Variants in CASD1 observed in about 807,000 individuals in gnomAD.
CASD1 encodes CAS1 domain sialic acid O acetyltransferase 1.
Under a neutral mutation model 100.0 loss-of-function variants are expected in CASD1, and 41 were observed. The ratio of observed to expected loss-of-function variants is 0.41; its 90% CI spans 0.32 to 0.53. CASD1 has a LOEUF of 0.53. Among genes scored for constraint, CASD1 ranks in the 20% least tolerant of loss-of-function variants. The pLI is 0.25. For missense variants in CASD1, 774 were observed against 948.7 expected (o/e 0.82, Z 2.42); for synonymous variants, 321 against 315.6 (o/e 1.02, Z -0.18).
At chr7:94,634,151 A>G in the CASD1 span, among the ~76,000 whole-genome samples, 3 of 152,298 alleles carry the variant, frequency 2.0e-5, no homozygotes, top group South Asian at 6.2e-4. Context: ...CTTTATTAAT[A>G]AACTAATCAC....
the CASD1 span, chr7:94,629,592 C>T: frequency 1.2e-6 from 1 of 853,316 alleles, no homozygotes; most frequent in Non-Finnish European, 1.9e-6. Flanking sequence ...TATCCTACAA[C>T]AATTTATCAC....
intron 6 of CASD1, 56 bp downstream of exon 6, chr7:94,533,305 C>A (rs1794943431): frequency 6.9e-7 from 1 of 1,452,872 alleles, no homozygotes; most frequent in Non-Finnish European, 9.5e-7. Context: ...TAAGAACATG[C>A]TAAGAAAAAG....
chr7:94,582,802 A>G, the CASD1 span, among the ~76,000 whole-genome samples: 1 of 152,208 alleles, frequency 6.6e-6, no homozygotes, highest in Non-Finnish European at 1.5e-5. Flanking sequence ...TGACGACTTA[A>G]TATCTGTCTT....
chr7:94,616,164 G>A, the CASD1 span, among the ~76,000 whole-genome samples: 4 of 152,210 alleles, frequency 2.6e-5, no homozygotes, highest in Middle Eastern at 3.4e-3. Flanking sequence ...TGGGCTCATG[G>A]GGACTGACAC....
At chr7:94,582,879 G>C in the CASD1 span, among the ~76,000 whole-genome samples, 6 of 152,208 alleles carry the variant, frequency 3.9e-5, no homozygotes, top group Admixed American at 3.9e-4. Context: ...TGCATCCTTA[G>C]AACACTCTCT....
intron 15 of CASD1, 190 bp downstream of exon 15, chr7:94,551,668 A>C (rs1795955952): frequency 8.1e-6 from 2 of 246,124 alleles, no homozygotes; most frequent in Admixed American, 1.1e-4. Flanking sequence ...AAGTTGTAGA[A>C]TATCTTAAGG....
At chr7:94,585,272 CAA>C in the CASD1 span, 4 of 459,372 alleles carry the variant, frequency 8.7e-6, no homozygotes, top group Non-Finnish European at 1.6e-5. Flanking sequence ...TTTATTGTAA[CAA>C]ATATAAAGTC....
Position 94,555,849 on chromosome 7 carries a change from A to G in CASD1, c.*91A>G, listed in dbSNP as rs61611349. On this transcript the variant is annotated 3_prime_UTR_variant, in exon 18 of 18. Transcript: ENST00000297273. ...CATCTATCTGGAGATATAAATGTGT[A>G]TGTAAATATAAACGTTTGTGGCAAG... is the stretch of plus-strand genomic sequence containing the variant. The G allele has an allele frequency of 1.1e-5, 14 of 1,308,300 alleles. No homozygotes were observed. Among genetic ancestry groups the G allele is most frequent in the African/African-American group, 1.5e-5 (1 of 67,528 alleles). 81.0% of individuals were successfully genotyped at this position (1,308,300 alleles called of 1,614,324 possible).
At chr7:94,532,927 A>G (rs1794921659) in intron 5 of CASD1, among the ~76,000 whole-genome samples, 1 of 152,122 alleles carries the variant, frequency 6.6e-6, no homozygotes, top group South Asian at 2.1e-4. Flanking sequence ...AGGTCGTGTT[A>G]GATTTCAGTG....
At chr7:94,579,215 T>C in the CASD1 span, among the ~76,000 whole-genome samples, 1 of 139,092 alleles carries the variant, frequency 7.2e-6, no homozygotes, top group African/African-American at 2.9e-5. Context: ...CATTTTTAAA[T>C]GTTAAAAAAA....
chr7:94,546,797 G>A (rs1286266337), intron 12 of CASD1, among the ~76,000 whole-genome samples: 1 of 151,764 alleles, frequency 6.6e-6, no homozygotes, highest in Non-Finnish European at 1.5e-5. Flanking sequence ...CTGTAACTTT[G>A]AATAATGAAT....
At chr7:94,541,678 CTAATG>C (rs1198103515) in intron 10 of CASD1, among the ~76,000 whole-genome samples, 6 of 149,070 alleles carry the variant, frequency 4.0e-5, no homozygotes, top group Admixed American at 6.8e-5. Context: ...GCTATTAACT[CTAATG>C]TAAAGTTGAA....
chr7:94,608,703 T>C, the CASD1 span, among the ~76,000 whole-genome samples: 1 of 152,150 alleles, frequency 6.6e-6, no homozygotes, highest in Non-Finnish European at 1.5e-5. Context: ...CAAGACAGTG[T>C]AGTATTGGGA....
chr7:94,583,504 G>C, the CASD1 span, among the ~76,000 whole-genome samples: 4 of 152,180 alleles, frequency 2.6e-5, no homozygotes, highest in Admixed American at 2.6e-4. Flanking sequence ...GGAACCTGTG[G>C]AACCTGGAAC....
chr7:94,615,381 GATA>G, the CASD1 span, among the ~76,000 whole-genome samples: 2 of 135,926 alleles, frequency 1.5e-5, no homozygotes, highest in South Asian at 5.0e-4. Flanking sequence ...TAGATAGATA[GATA>G]GATAGATAGA....
the CASD1 span, among the ~76,000 whole-genome samples, chr7:94,573,357 G>A: frequency 6.6e-6 from 1 of 152,202 alleles, no homozygotes; most frequent in Admixed American, 6.5e-5. Flanking sequence ...TCCCGTCCAT[G>A]AGCATGGGAA....
intron 3 of CASD1, among the ~76,000 whole-genome samples, chr7:94,525,129 G>GT (rs1794494372): frequency 6.6e-6 from 1 of 152,120 alleles, no homozygotes; most frequent in African/African-American, 2.4e-5. Flanking sequence ...TATAGAATAT[G>GT]TATGTGTAGA....
chr7:94,586,706 C>T, the CASD1 span: 512 of 302,932 alleles, frequency 1.7e-3, 3 homozygotes, highest in Middle Eastern at 7.5e-3. Flanking sequence ...TTCGCCATGT[C>T]GGGCAGGCTG....
the CASD1 span, among the ~76,000 whole-genome samples, chr7:94,632,153 T>G: frequency 1.3e-4 from 20 of 152,144 alleles, no homozygotes; most frequent in Admixed American, 1.2e-3. Flanking sequence ...ATAGTCTCCC[T>G]TAGTATTTGC....
Sources: gnomAD v4.1 joint callset for allele counts (sites outside exome capture counted in the v4.1 genomes callset) on GRCh38, gnomAD v4.1.1 for gene constraint, MANE v1.5 for transcripts, NCBI Gene and HGNC (gene_info 2026-07-23, HGNC 2026-07-21) for gene names.